Variants in TENM4 observed in about 807,000 individuals in gnomAD.
The protein encoded by TENM4 is teneurin transmembrane protein 4, also known as teneurin-4.
TENM4 carries 82 observed loss-of-function variants against 243.3 expected under a neutral mutation model. The observed-to-expected ratio is 0.34, with a 90% CI of 0.28 to 0.40. TENM4 has a LOEUF of 0.40. Among genes scored for constraint, TENM4 ranks in the 10% least tolerant of loss-of-function variants. The probability of loss-of-function intolerance (pLI) is 1.00; values close to 1 mark genes in which losing one functional copy is unlikely to be tolerated. For synonymous variants in TENM4, 1,412 were observed against 1,456.3 expected (o/e 0.97, Z 0.69); for missense variants, 3,138 against 3,673.3 (o/e 0.85, Z 3.77).
At chr11:79,223,484 G>A (rs1864203194) in intron 2 of TENM4, among the ~76,000 whole-genome samples, 1 of 152,108 alleles carries the variant, frequency 6.6e-6, no homozygotes, top group African/African-American at 2.4e-5. Flanking sequence ...TCTGCTCAGA[G>A]GTCAGTGCTA....
At chr11:79,409,490 A>G (rs1362491645) in intron 1 of TENM4, among the ~76,000 whole-genome samples, 3 of 152,160 alleles carry the variant, frequency 2.0e-5, no homozygotes, top group Admixed American at 2.0e-4. Flanking sequence ...AGGGAATTTC[A>G]CCAGCTGCGC....
At chr11:78,843,974 C>A (rs1387467015) in intron 12 of TENM4, among the ~76,000 whole-genome samples, 1 of 152,224 alleles carries the variant, frequency 6.6e-6, no homozygotes, top group Non-Finnish European at 1.5e-5. Flanking sequence ...TAGGTGTTCA[C>A]TGACCCTCTG....
intron 28 of TENM4, among the ~76,000 whole-genome samples, chr11:78,694,188 T>C (rs1858898133): frequency 6.6e-6 from 1 of 152,200 alleles, no homozygotes; most frequent in African/African-American, 2.4e-5. Context: ...TACTAAACTT[T>C]TGCTGATCTT....
intron 6 of TENM4, among the ~76,000 whole-genome samples, chr11:78,915,963 T>C (rs1234894182): frequency 2.0e-5 from 3 of 152,196 alleles, no homozygotes; most frequent in Non-Finnish European, 2.9e-5. Context: ...AGAGCAGTAT[T>C]GCATGGTGGG....
At chr11:79,131,358 G>C (rs973281335) in intron 4 of TENM4, among the ~76,000 whole-genome samples, 6 of 152,172 alleles carry the variant, frequency 3.9e-5, no homozygotes, top group African/African-American at 9.7e-5. Flanking sequence ...AGCCAGAAGG[G>C]ACTGGGGCTC....
At chr11:79,433,703 G>A (rs979916424) in intron 1 of TENM4, among the ~76,000 whole-genome samples, 7 of 152,210 alleles carry the variant, frequency 4.6e-5, no homozygotes, top group African/African-American at 1.2e-4. Context: ...GGGAACCGGG[G>A]TGCTGACCAC....
intron 6 of TENM4, among the ~76,000 whole-genome samples, chr11:79,052,058 T>C (rs770116590): frequency 7.9e-5 from 12 of 152,250 alleles, no homozygotes; most frequent in Non-Finnish European, 1.3e-4. Context: ...GTTTTTGCTA[T>C]TGTAAATAGT....
At position 78,671,802 on chromosome 11, in the gene TENM4, A is replaced by C. The variant is rs932676026; in HGVS notation, c.5793+231T>G. On this transcript the variant is annotated intron_variant, in intron 31 of 33. Coordinates refer to ENST00000278550, the MANE Select transcript of TENM4 (RefSeq NM_001098816.3). ...TGAGTATTTGGGCCTCTACTCTATC[A>C]GGCAGGTCTTTCATGTTCTCCTGCC... Among the ~76,000 whole-genome samples the C allele has an allele frequency of 4.2e-4, 64 of 152,184 alleles. 1 individual carries two copies. The highest frequency in any genetic ancestry group is 4.9e-4 in the Non-Finnish European group (33 of 68,038).
chr11:78,950,388 G>A (rs142638438), intron 6 of TENM4, among the ~76,000 whole-genome samples: 175 of 152,282 alleles, frequency 1.1e-3, no homozygotes, highest in African/African-American at 4.1e-3. Flanking sequence ...AGTGCAGGGC[G>A]GGGGGAGAAT....
chr11:79,135,114 C>A (rs1334482403), intron 4 of TENM4, among the ~76,000 whole-genome samples: 1 of 152,004 alleles, frequency 6.6e-6, no homozygotes, highest in African/African-American at 2.4e-5. Context: ...GGACTAATAT[C>A]CAGAATCTAC....
chr11:78,804,251 T>G (rs1298322304), intron 15 of TENM4, among the ~76,000 whole-genome samples: 1 of 152,248 alleles, frequency 6.6e-6, no homozygotes, highest in Non-Finnish European at 1.5e-5. Flanking sequence ...AGCTTCTTTA[T>G]CAGTTCACTT....
chr11:79,414,428 T>C (rs1035577634), intron 1 of TENM4, among the ~76,000 whole-genome samples: 1 of 152,192 alleles, frequency 6.6e-6, no homozygotes. Flanking sequence ...TCCCAGAGTA[T>C]TGGTCCAAGG....
chr11:79,375,553 A>G (rs780808380), intron 1 of TENM4, among the ~76,000 whole-genome samples: 1 of 152,196 alleles, frequency 6.6e-6, no homozygotes, highest in Non-Finnish European at 1.5e-5. Context: ...CCTCCTGTTA[A>G]GTATTTTACT....
chr11:79,220,673 C>T (rs1030403193), intron 2 of TENM4, among the ~76,000 whole-genome samples: 1 of 152,190 alleles, frequency 6.6e-6, no homozygotes, highest in African/African-American at 2.4e-5. Context: ...CAAGCTATTC[C>T]TGTCCTTCAG....
chr11:79,164,318 C>A (rs1565231106), intron 3 of TENM4, among the ~76,000 whole-genome samples: 19 of 123,174 alleles, frequency 1.5e-4, no homozygotes, highest in African/African-American at 6.6e-4. Context: ...TATAGATATA[C>A]TAGTATATAT....
At chr11:78,694,648 G>A (rs376206495) in intron 28 of TENM4, among the ~76,000 whole-genome samples, 1 of 152,150 alleles carries the variant, frequency 6.6e-6, no homozygotes, top group Non-Finnish European at 1.5e-5. Flanking sequence ...CTCTGTGCTG[G>A]TTATTCTCTG....
intron 6 of TENM4, among the ~76,000 whole-genome samples, chr11:79,031,811 A>G (rs758912100): frequency 3.1e-4 from 47 of 152,218 alleles, no homozygotes; most frequent in Non-Finnish European, 6.0e-4. Flanking sequence ...GGTTCTTAAC[A>G]TGAGCAATTT....
chr11:79,116,528 T>C (rs1367761142), intron 4 of TENM4, among the ~76,000 whole-genome samples: 1 of 152,096 alleles, frequency 6.6e-6, no homozygotes, highest in East Asian at 1.9e-4. Context: ...AAAATAGTAT[T>C]GTAGCCTTAC....
At chr11:79,397,165 G>T (rs574128302) in intron 1 of TENM4, among the ~76,000 whole-genome samples, 1 of 152,318 alleles carries the variant, frequency 6.6e-6, no homozygotes, top group South Asian at 2.1e-4. Context: ...GAAGGAAAAG[G>T]CCATTCCAGC....
Sources: gnomAD v4.1 joint callset for allele counts (sites outside exome capture counted in the v4.1 genomes callset) on GRCh38, gnomAD v4.1.1 for gene constraint, MANE v1.5 for transcripts, NCBI Gene and HGNC (gene_info 2026-07-23, HGNC 2026-07-21) for gene names.